The following SOS2 variants were observed in gnomAD, a reference collection of about 807,000 sequenced individuals.
SOS2 encodes the protein SOS Ras/Rho guanine nucleotide exchange factor 2, also known as son of sevenless homolog 2.
Under a neutral mutation model 148.2 loss-of-function variants are expected in SOS2, and 65 were observed. The ratio of observed to expected loss-of-function variants is 0.44; its 90% CI spans 0.36 to 0.54. The LOEUF is 0.54. SOS2 is among the 20% of genes least tolerant of loss of function. The pLI is 0.00. For synonymous variants in SOS2, 539 were observed against 537.1 expected (o/e 1.00, Z -0.05); for missense variants, 1,341 against 1,590.2 (o/e 0.84, Z 2.67).
rs137863910 is a variant in SOS2, at chr14:50,175,820, T to C, written c.970-1268A>G. On this transcript the variant is annotated intron_variant, in intron 7 of 22. Coordinates refer to ENST00000216373, the MANE Select transcript of SOS2 (RefSeq NM_006939.4). ...ATAAAATGTGAGAAAGAATCTGATA[T>C]GCTGCTTTAAAAAAATCTTCATAAA... is the stretch of plus-strand genomic sequence containing the variant. Among the ~76,000 whole-genome samples the C allele has an allele frequency of 3.7e-3, 564 of 152,310 alleles. 15 individuals are homozygous for C. The highest frequency in any genetic ancestry group is 0.031 in the Admixed American group (472 of 15,284).
At chr14:50,189,864 T>G (rs1401281715) in intron 4 of SOS2, among the ~76,000 whole-genome samples, 1 of 151,694 alleles carries the variant, frequency 6.6e-6, no homozygotes, top group Non-Finnish European at 1.5e-5. Flanking sequence ...TTTTTTTTTT[T>G]GTGAGACACA....
intron 1 of SOS2, among the ~76,000 whole-genome samples, chr14:50,208,611 C>G (rs925956200): frequency 6.6e-6 from 1 of 152,132 alleles, no homozygotes; most frequent in Non-Finnish European, 1.5e-5. Flanking sequence ...CATGCCACCG[C>G]ACTCCAGCCT....
chr14:50,223,289 A>G (rs1887252261), intron 1 of SOS2, among the ~76,000 whole-genome samples: 2 of 152,306 alleles, frequency 1.3e-5, no homozygotes, highest in African/African-American at 4.8e-5. Context: ...TAACTCAAAC[A>G]CTTTGGAGGC....
chr14:50,180,746 C>A (rs1885706890), intron 6 of SOS2, 64 bp from the exon 7 acceptor site: 1 of 899,470 alleles, frequency 1.1e-6, no homozygotes, highest in Admixed American at 2.6e-5. Flanking sequence ...CAATATGGTA[C>A]AGATTATTAT....
intron 9 of SOS2, 97 bp from the exon 10 acceptor site, chr14:50,160,183 A>T: frequency 1.1e-6 from 1 of 895,994 alleles, no homozygotes; most frequent in Non-Finnish European, 1.7e-6. Flanking sequence ...ATATTAAATA[A>T]CCAAACAGTA....
At position 50,204,882 on chromosome 14, in the gene SOS2, CTTTTTTTCTT is replaced by C. The variant is rs1485100501; in HGVS notation, c.88-483_88-474del. Among the ~76,000 whole-genome samples, 293 of 85,910 alleles carry C rather than the reference CTTTTTTTCTT, an allele frequency of 3.4e-3. 2 individuals are homozygous for C. Among genetic ancestry groups the C allele is most frequent in the African/African-American group, 0.012 (255 of 21,420 alleles). 56.4% of individuals were successfully genotyped at this position (85,910 alleles called of 152,430 possible). On this transcript the variant is annotated intron_variant, in intron 1 of 22. Transcript: ENST00000216373. ...CCACCAGCTATGCTAAGCACCCCAC[CTTTTTTTCTT>C]TTTTTTTCTTTCTTTTTTTTTTTAA...
At chr14:50,124,090 A>G (rs1228407141) in intron 21 of SOS2, among the ~76,000 whole-genome samples, 1 of 152,226 alleles carries the variant, frequency 6.6e-6, no homozygotes, top group African/African-American at 2.4e-5. Context: ...TGAGATTCCT[A>G]TTAGATATCC....
At position 50,147,138 on chromosome 14, in the gene SOS2, A is replaced by G. The variant is rs541408384; in HGVS notation, c.2385-1542T>C. On this transcript the variant is annotated intron_variant, in intron 14 of 22. Coordinates refer to ENST00000216373, the MANE Select transcript of SOS2 (RefSeq NM_006939.4). ...CTTGAGCCTAGAGTCTGGGGCTGCA[A>G]TGAGCTATGATCATGCCACTGCATC... Among the ~76,000 whole-genome samples, 15 of 151,748 alleles carry G rather than the reference A, an allele frequency of 9.9e-5. No individual in the cohort carries two copies. The East Asian group carries it at 2.9e-3, about 30-fold the overall frequency.
At chr14:50,119,939 G>A (rs1453538349) in intron 22 of SOS2, among the ~76,000 whole-genome samples, 1 of 148,722 alleles carries the variant, frequency 6.7e-6, no homozygotes, top group African/African-American at 2.5e-5. Context: ...AGCCTCCCCA[G>A]TAGCTGGAAT....
chr14:50,197,023 G>A (rs1287033928), intron 4 of SOS2, among the ~76,000 whole-genome samples: 2 of 151,824 alleles, frequency 1.3e-5, no homozygotes, highest in African/African-American at 2.4e-5. Context: ...ACAAGCACAC[G>A]CCCGGATAAT....
chr14:50,150,408 G>A lies in SOS2; in HGVS notation c.2162-178C>T, dbSNP rs184116323. ...TCCTAGGTTATTCTGAAACAAATCC[G>A]AGACATCGTATTTCATTCATATTTA... On this transcript the variant is annotated intron_variant, in intron 13 of 22. Transcript: ENST00000216373. 3.0e-4 allele frequency among the ~76,000 whole-genome samples: 45 copies of A among 152,078 alleles called. 1 individual carries two copies. The highest frequency in any genetic ancestry group is 2.5e-3 in the Admixed American group (38 of 15,272).
intron 8 of SOS2, among the ~76,000 whole-genome samples, chr14:50,173,128 T>G (rs1885420771): frequency 6.6e-6 from 1 of 152,066 alleles, no homozygotes; most frequent in East Asian, 1.9e-4. Flanking sequence ...GTGGCCACCA[T>G]GCCCAGCTTC....
chr14:50,213,680 A>C (rs529939030), intron 1 of SOS2, among the ~76,000 whole-genome samples: 35 of 149,542 alleles, frequency 2.3e-4, no homozygotes, highest in Middle Eastern at 6.8e-3. Flanking sequence ...CCCCCACCCC[A>C]AAAAAAAACC....
chr14:50,172,164 T>A (rs1006044341), intron 8 of SOS2, among the ~76,000 whole-genome samples: 1 of 152,212 alleles, frequency 6.6e-6, no homozygotes, highest in Non-Finnish European at 1.5e-5. Flanking sequence ...TGTAGTGGTA[T>A]CCTGTGGTTT....
chr14:50,183,408 T>C (rs948751499), intron 5 of SOS2, among the ~76,000 whole-genome samples: 2 of 151,390 alleles, frequency 1.3e-5, no homozygotes, highest in African/African-American at 4.8e-5. Context: ...AGAAACAATA[T>C]AAGAGTTAAG....
chr14:50,189,331 C>CAAAAAAAAA (rs761860061), intron 4 of SOS2, among the ~76,000 whole-genome samples: 672 of 31,406 alleles, frequency 0.021, 131 homozygotes, highest in African/African-American at 0.032. Context: ...CACATAATAG[C>CAAAAAAAAA]AAAAAAAAAA....
Position 50,180,532 on chromosome 14 carries a change from T to TAAAA in SOS2, c.969+39_969+40insTTTT, listed in dbSNP as rs748956316. On this transcript the variant is annotated intron_variant, in intron 7 of 22. Coordinates refer to ENST00000216373, the MANE Select transcript of SOS2 (RefSeq NM_006939.4). ...AATAGTGAGATATTTATTTGCTTTA[T>TAAAA]TAAAAAAAAAAAAAAAAAAAACCTT... The TAAAA allele has an allele frequency of 7.3e-4, 339 of 466,280 alleles. 12 individuals are homozygous for TAAAA. Among genetic ancestry groups the TAAAA allele is most frequent in the African/African-American group, 3.9e-3 (91 of 23,616 alleles). The allele number at this position is 466,280 out of a possible 1,614,324, so 28.9% of individuals were successfully genotyped here.
chr14:50,159,067 A>G (rs1402314385), intron 10 of SOS2, among the ~76,000 whole-genome samples: 4 of 152,016 alleles, frequency 2.6e-5, no homozygotes, highest in Non-Finnish European at 1.5e-5. Flanking sequence ...GCGGGCGCCT[A>G]TAGTCCCAGC....
At chr14:50,156,210 A>G (rs1884812647) in intron 12 of SOS2, 1 of 151,986 alleles carries the variant, frequency 6.6e-6, no homozygotes, top group Non-Finnish European at 1.5e-5. Context: ...TGGACAGTAA[A>G]GAGGGCTAAG....
Sources: gnomAD v4.1 joint callset for allele counts (sites outside exome capture counted in the v4.1 genomes callset) on GRCh38, gnomAD v4.1.1 for gene constraint, MANE v1.5 for transcripts, NCBI Gene and HGNC (gene_info 2026-07-23, HGNC 2026-07-21) for gene names.